The following ARL13B variants were observed in gnomAD, a reference collection of about 807,000 sequenced individuals.
ARL13B encodes the protein ADP-ribosylation factor-like protein 13B.
A neutral mutation model predicts 56.1 loss-of-function variants in ARL13B; 36 were observed. The ratio of observed to expected loss-of-function variants is 0.64; its 90% CI spans 0.49 to 0.85. The LOEUF (loss-of-function observed/expected upper bound fraction) is 0.85. Ranked by LOEUF, ARL13B falls within the 40% of genes least tolerant of loss-of-function variation. The pLI is 0.00. For missense variants in ARL13B, 519 were observed against 507.1 expected (o/e 1.02, Z -0.23); for synonymous variants, 178 against 171.1 (o/e 1.04, Z -0.32).
intron 1 of ARL13B, among the ~76,000 whole-genome samples, chr3:93,991,652 TGAGCC>T (rs1479394485): frequency 5.3e-5 from 8 of 152,228 alleles, no homozygotes; most frequent in Non-Finnish European, 1.2e-4. Context: ...ACTACAGGTG[TGAGCC>T]ACCATGTCCG....
intron 7 of ARL13B, among the ~76,000 whole-genome samples, chr3:94,045,006 AGGG>A (rs1405684046): frequency 6.6e-6 from 1 of 152,206 alleles, no homozygotes; most frequent in Admixed American, 6.5e-5. Context: ...CGAAAAGAAA[AGGG>A]GGAAATGTGG....
chr3:94,051,161 C>A (rs1034616782), intron 9 of ARL13B, among the ~76,000 whole-genome samples: 2 of 151,890 alleles, frequency 1.3e-5, no homozygotes, highest in South Asian at 2.1e-4. Flanking sequence ...TATATTTATA[C>A]AAGGAGTTAT....
intron 2 of ARL13B, among the ~76,000 whole-genome samples, chr3:94,000,360 A>G (rs1575950389): frequency 6.6e-6 from 1 of 152,040 alleles, no homozygotes; most frequent in Non-Finnish European, 1.5e-5. Context: ...GTTGGGGATT[A>G]TGGTCTGTTG....
At chr3:94,018,752 G>A (rs2076385640) in intron 3 of ARL13B, among the ~76,000 whole-genome samples, 2 of 152,048 alleles carry the variant, frequency 1.3e-5, no homozygotes, top group Admixed American at 1.3e-4. Flanking sequence ...GCTCAGACCA[G>A]AGACTCAGAA....
chr3:94,027,706 T>A (rs1184585656), intron 3 of ARL13B, among the ~76,000 whole-genome samples: 1 of 152,206 alleles, frequency 6.6e-6, no homozygotes, highest in Non-Finnish European at 1.5e-5. Context: ...ATATGTTGTA[T>A]TTAAATGATG....
chr3:94,045,376 T>C (rs1378571069), intron 7 of ARL13B, among the ~76,000 whole-genome samples: 5 of 148,294 alleles, frequency 3.4e-5, no homozygotes, highest in Non-Finnish European at 7.4e-5. Context: ...GCTGACCTTC[T>C]CTCCACTATT....
chr3:93,984,818 G>A (rs1710370350), intron 1 of ARL13B, among the ~76,000 whole-genome samples: 1 of 152,076 alleles, frequency 6.6e-6, no homozygotes, highest in Admixed American at 6.6e-5. Flanking sequence ...ATCAGCCTGG[G>A]CAATATAGTG....
chr3:93,982,738 C>G lies in ARL13B; in HGVS notation c.59+2256C>G, dbSNP rs571298728. On this transcript the variant is annotated intron_variant, in intron 1 of 9. Transcript: ENST00000394222. ...GAATTTGAACACAAGTTGGATTACC[C>G]CTGTCTTCTAAGTCCCCTTGTTCAA... Among the ~76,000 whole-genome samples the G allele has an allele frequency of 3.9e-5, 6 of 152,010 alleles. No individual in the cohort carries two copies. In the South Asian group the frequency reaches 8.3e-4, roughly 21 times the overall value.
chr3:93,983,654 TTTTTG>T (rs1049366402), intron 1 of ARL13B, among the ~76,000 whole-genome samples: 1 of 152,132 alleles, frequency 6.6e-6, no homozygotes. Context: ...TCTGGGGTTT[TTTTTG>T]TTTTGTTTTG....
At chr3:94,012,929 T>A (rs2076250253) in intron 3 of ARL13B, among the ~76,000 whole-genome samples, 1 of 152,204 alleles carries the variant, frequency 6.6e-6, no homozygotes, top group Non-Finnish European at 1.5e-5. Flanking sequence ...TACTATTAGG[T>A]CTAGAAAAAT....
At chr3:94,036,777 A>G (rs1207588068) in intron 5 of ARL13B, 23 bp downstream of exon 5, 1 of 1,593,868 alleles carries the variant, frequency 6.3e-7, no homozygotes, top group Non-Finnish European at 8.6e-7. Context: ...ATTTTGTACC[A>G]CAGTGCATTT....
intron 8 of ARL13B, among the ~76,000 whole-genome samples, chr3:94,050,074 G>A (rs1293546140): frequency 1.3e-5 from 2 of 149,482 alleles, no homozygotes; most frequent in African/African-American, 4.9e-5. Flanking sequence ...TGGGGCAGGA[G>A]AATCGCTTGA....
chr3:94,045,372 C>G (rs2076963305), intron 7 of ARL13B, among the ~76,000 whole-genome samples: 1 of 151,208 alleles, frequency 6.6e-6, no homozygotes, highest in Admixed American at 6.6e-5. Flanking sequence ...ATCTGCTGAC[C>G]TTCTCTCCAC....
At chr3:93,988,768 C>A in intron 1 of ARL13B, 1 of 423,222 alleles carries the variant, frequency 2.4e-6, no homozygotes, top group Non-Finnish European at 4.7e-6. Flanking sequence ...CTATGCTCCC[C>A]TTTTCCCATT....
intron 3 of ARL13B, among the ~76,000 whole-genome samples, chr3:94,023,336 A>G (rs940395277): frequency 2.0e-5 from 3 of 151,782 alleles, no homozygotes; most frequent in Non-Finnish European, 2.9e-5. Context: ...ATCTGTTTTT[A>G]TATTTCCTTT....
chr3:94,035,460 AT>A, intron 4 of ARL13B, 24 bp downstream of exon 4: 1 of 1,377,326 alleles, frequency 7.3e-7, no homozygotes, highest in Non-Finnish European at 1.0e-6. Context: ...TTTTTTTTTA[AT>A]TTTAATTTTT....
At chr3:94,042,412 T>A (rs571197923) in intron 6 of ARL13B, among the ~76,000 whole-genome samples, 1 of 152,150 alleles carries the variant, frequency 6.6e-6, no homozygotes, top group Non-Finnish European at 1.5e-5. Context: ...TAGTGAAAAA[T>A]TGGAAATACT....
chr3:93,984,260 G>C (rs1054851800), intron 1 of ARL13B, among the ~76,000 whole-genome samples: 1 of 152,046 alleles, frequency 6.6e-6, no homozygotes, highest in African/African-American at 2.4e-5. Flanking sequence ...GGAGGCTGAG[G>C]CAGGAGAATC....
intron 3 of ARL13B, among the ~76,000 whole-genome samples, 185 bp downstream of exon 3, chr3:94,004,093 G>A (rs1440760554): frequency 6.6e-6 from 1 of 152,062 alleles, no homozygotes; most frequent in Non-Finnish European, 1.5e-5. Flanking sequence ...GGGGAAAAGG[G>A]CTAAGGCTAT....
Sources: allele counts gnomAD v4.1 joint callset (sites outside exome capture counted in the v4.1 genomes callset), GRCh38; gene constraint gnomAD v4.1.1; transcripts MANE v1.5; gene names NCBI Gene and HGNC (gene_info 2026-07-23, HGNC 2026-07-21).